ADGRL3: variants seen among roughly 807,000 people sequenced by gnomAD.
The protein encoded by ADGRL3 is calcium-independent alpha-latrotoxin receptor 3.
In ADGRL3, 62 loss-of-function variants were observed where a neutral mutation model predicts 153.5. That is an observed-to-expected ratio of 0.40 (90% CI 0.33 to 0.50). The LOEUF (loss-of-function observed/expected upper bound fraction) is 0.50, where lower values mean the gene tolerates loss of function less well. Ranked by LOEUF, ADGRL3 falls within the 20% of genes least tolerant of loss-of-function variation. ADGRL3 has a pLI of 0.47. For synonymous variants in ADGRL3, 710 were observed against 672.5 expected, an observed-to-expected ratio of 1.06 and a Z score of -0.86; for missense variants, 1,641 against 1,859.4, an observed-to-expected ratio of 0.88 and a Z score of 2.16.
intron 5 of ADGRL3, among the ~76,000 whole-genome samples, chr4:61,608,773 T>C (rs541906216): frequency 6.6e-6 from 1 of 152,182 alleles, no homozygotes; most frequent in Non-Finnish European, 1.5e-5. Context: ...TTGACAATAG[T>C]CTAAATCATT....
intron 17 of ADGRL3, among the ~76,000 whole-genome samples, chr4:61,959,080 C>T (rs546071447): frequency 6.6e-6 from 1 of 152,114 alleles, no homozygotes; most frequent in Non-Finnish European, 1.5e-5. Flanking sequence ...TTAAAACCTT[C>T]CATTATTGGG....
chr4:61,979,597 T>C lies in ADGRL3; in HGVS notation c.2840T>C (p.Val947Ala). The change falls in exon 18 of 27, where the codon GTG (valine) becomes GCG (alanine). Residue 947 changes from valine to alanine, a missense_variant. Physicochemically the swap from Val to Ala is moderately conservative, Grantham distance 64. Coordinates refer to ENST00000683033, the MANE Select transcript of ADGRL3 (RefSeq NM_001387552.1). The part of the protein sequence containing the change: ...SDAVHDLLLD[V>A]ITWVGILLSL... ...GCGGTCCATGACCTCCTTCTGGATG[T>C]GATCACGTGGGTTGGAATTTTGCTG... is the stretch of plus-strand genomic sequence containing the variant. The C allele has an allele frequency of 1.2e-6, 2 of 1,613,946 alleles. No homozygotes were observed. Among genetic ancestry groups the C allele is most frequent in the South Asian group, 1.1e-5 (1 of 91,084 alleles).
chr4:61,517,076 G>GT (rs11315799), intron 3 of ADGRL3, among the ~76,000 whole-genome samples: 2,113 of 140,000 alleles, frequency 0.015, 21 homozygotes, highest in Middle Eastern at 0.058. Flanking sequence ...ATTAGGATGA[G>GT]TTTTTTTTTT....
intron 5 of ADGRL3, among the ~76,000 whole-genome samples, chr4:61,620,634 CTTTTTTTT>C (rs71664993): frequency 2.9e-5 from 2 of 69,704 alleles, no homozygotes; most frequent in African/African-American, 1.2e-4. Context: ...TAAATTGTGA[CTTTTTTTT>C]TTTTTTTTTT....
intron 10 of ADGRL3, among the ~76,000 whole-genome samples, chr4:61,894,540 A>C (rs62304418): frequency 0.027 from 4,090 of 152,288 alleles, 63 homozygotes; most frequent in Middle Eastern, 0.065. Context: ...GAAAAATAAT[A>C]ATAGCCCCTT....
chr4:61,568,494 A>G (rs1367905461), intron 4 of ADGRL3, among the ~76,000 whole-genome samples: 1 of 152,180 alleles, frequency 6.6e-6, no homozygotes, highest in Non-Finnish European at 1.5e-5. Flanking sequence ...AAGCAGTAGA[A>G]GAAGAAAGGC....
intron 2 of ADGRL3, among the ~76,000 whole-genome samples, chr4:61,394,977 A>C (rs981326717): frequency 1.3e-5 from 2 of 152,068 alleles, no homozygotes; most frequent in Non-Finnish European, 2.9e-5. Flanking sequence ...AATAATGAAG[A>C]AACTAAATTT....
intron 9 of ADGRL3, among the ~76,000 whole-genome samples, chr4:61,835,243 C>T (rs759677492): frequency 1.4e-5 from 2 of 148,056 alleles, no homozygotes; most frequent in Non-Finnish European, 3.0e-5. Flanking sequence ...ACGAGTTCTG[C>T]GGCTCCTCCT....
intron 8 of ADGRL3, 31 bp downstream of exon 8, chr4:61,733,585 G>T: frequency 6.9e-7 from 1 of 1,443,466 alleles, no homozygotes; most frequent in South Asian, 1.2e-5. Flanking sequence ...TACTCTTTGG[G>T]GAAATATTTA....
At chr4:61,510,051 C>T (rs1434956565) in intron 3 of ADGRL3, among the ~76,000 whole-genome samples, 7 of 152,138 alleles carry the variant, frequency 4.6e-5, no homozygotes, top group East Asian at 1.9e-4. Flanking sequence ...GTTTGTTGGC[C>T]GCTTGTATGT....
chr4:61,219,035 C>T (rs1367205322), intron 1 of ADGRL3, among the ~76,000 whole-genome samples: 1 of 152,150 alleles, frequency 6.6e-6, no homozygotes, highest in Non-Finnish European at 1.5e-5. Flanking sequence ...AGACCAGTTA[C>T]ATGAGAGTCT....
chr4:61,322,191 C>T (rs1240314942), intron 1 of ADGRL3, among the ~76,000 whole-genome samples: 2 of 152,100 alleles, frequency 1.3e-5, no homozygotes, highest in East Asian at 1.9e-4. Flanking sequence ...TTGTGAGACC[C>T]GTTCACTATT....
chr4:61,697,550 A>T (rs2095664534), intron 6 of ADGRL3, among the ~76,000 whole-genome samples: 1 of 53,034 alleles, frequency 1.9e-5, no homozygotes. Flanking sequence ...CAAAAGTGAA[A>T]CTCCTAAAAA....
chr4:61,837,349 A>G (rs1358749310), intron 9 of ADGRL3, among the ~76,000 whole-genome samples: 2 of 152,192 alleles, frequency 1.3e-5, no homozygotes, highest in Non-Finnish European at 2.9e-5. Flanking sequence ...GTGGTGAGTA[A>G]CTTATTATCA....
chr4:61,358,025 G>A (rs1490809644), intron 1 of ADGRL3, among the ~76,000 whole-genome samples: 2 of 152,108 alleles, frequency 1.3e-5, no homozygotes, highest in Non-Finnish European at 2.9e-5. Flanking sequence ...GGTGAAAGTT[G>A]CTGATCAAAT....
chr4:61,506,939 TA>T lies in ADGRL3; in HGVS notation c.55+9599del, dbSNP rs202016163. 2.6e-4 allele frequency among the ~76,000 whole-genome samples: 39 copies of T among 151,766 alleles called. No individual in the cohort carries two copies. In the South Asian group the frequency reaches 7.7e-3, roughly 30 times the overall value. On this transcript the variant is annotated intron_variant, in intron 3 of 26. Coordinates refer to ENST00000683033, the MANE Select transcript of ADGRL3 (RefSeq NM_001387552.1). Reference sequence around the variant, plus strand: ...GATATGTAGGTTAAAAACGTAAAAATAAAAAAAACCCTCTGTATTTATAAAA... The same window carrying T: ...GATATGTAGGTTAAAAACGTAAAAATAAAAAAACCCTCTGTATTTATAAAA...
chr4:61,698,258 T>C (rs770384576), intron 6 of ADGRL3, among the ~76,000 whole-genome samples: 12 of 152,136 alleles, frequency 7.9e-5, no homozygotes, highest in Non-Finnish European at 1.6e-4. Flanking sequence ...GAGACCATCC[T>C]GGCTAACACG....
Position 61,225,817 on chromosome 4 carries a change from A to G in ADGRL3, c.-240+24052A>G, listed in dbSNP as rs1168715930. ...CAGTCAAAATGTTCTCCTTTCAGTG[A>G]CTCAACTCCAGCTCCTTAAGTTCTC... On this transcript the variant is annotated intron_variant, in intron 1 of 26. Transcript: ENST00000683033. Among the ~76,000 whole-genome samples, 4 of 152,160 alleles carry G rather than the reference A, an allele frequency of 2.6e-5. 1 individual carries two copies.
At chr4:61,925,955 T>C (rs2098792548) in intron 13 of ADGRL3, among the ~76,000 whole-genome samples, 1 of 152,320 alleles carries the variant, frequency 6.6e-6, no homozygotes, top group East Asian at 1.9e-4. Context: ...TTTGTTGTCA[T>C]GCAAACATCA....
Sources: allele counts gnomAD v4.1 joint callset (sites outside exome capture counted in the v4.1 genomes callset), GRCh38; gene constraint gnomAD v4.1.1; transcripts MANE v1.5; gene names NCBI Gene and HGNC (gene_info 2026-07-23, HGNC 2026-07-21).